The following VPS13B variants were observed in gnomAD, a reference collection of about 807,000 sequenced individuals.
VPS13B encodes the protein vacuolar protein sorting 13 homolog B.
Under a neutral mutation model 426.4 loss-of-function variants are expected in VPS13B, and 285 were observed. The ratio of observed to expected loss-of-function variants is 0.67; its 90% CI spans 0.61 to 0.74. VPS13B has a LOEUF of 0.74. Ranked by LOEUF, VPS13B falls within the 30% of genes least tolerant of loss-of-function variation. The pLI, the probability that VPS13B is intolerant of heterozygous loss-of-function variation, is 0.00. For missense variants in VPS13B, 4,537 were observed against 4,782.6 expected (o/e 0.95, Z 1.51); for synonymous variants, 1,676 against 1,676.4 (o/e 1.00, Z 0.01).
intron 21 of VPS13B, among the ~76,000 whole-genome samples, chr8:99,415,158 A>T (rs1815925129): frequency 6.6e-6 from 1 of 151,302 alleles, no homozygotes; most frequent in South Asian, 2.1e-4. Flanking sequence ...CATTAAGTTG[A>T]TCTTCAATCT....
intron 36 of VPS13B, among the ~76,000 whole-genome samples, chr8:99,705,413 G>A (rs1318441247): frequency 6.6e-6 from 1 of 152,088 alleles, no homozygotes; most frequent in Non-Finnish European, 1.5e-5. Flanking sequence ...ATGAAATGGA[G>A]AAGACATCTC....
chr8:99,477,042 C>A (rs1398100513), intron 24 of VPS13B, among the ~76,000 whole-genome samples: 1 of 152,112 alleles, frequency 6.6e-6, no homozygotes, highest in Non-Finnish European at 1.5e-5. Context: ...CTATTAAATT[C>A]ATTTTTCTTA....
chr8:99,048,281 T>A (rs890564462), intron 3 of VPS13B, among the ~76,000 whole-genome samples: 1 of 152,188 alleles, frequency 6.6e-6, no homozygotes, highest in African/African-American at 2.4e-5. Flanking sequence ...ATGGACTATC[T>A]TGGAGAAAGT....
chr8:99,870,300 C>T (rs1817329543), intron 59 of VPS13B, among the ~76,000 whole-genome samples: 1 of 152,070 alleles, frequency 6.6e-6, no homozygotes, highest in Non-Finnish European at 1.5e-5. Context: ...TCTGGAGTAG[C>T]TAGGACTACA....
At chr8:99,801,339 TAGAA>T (rs1395301439) in intron 43 of VPS13B, among the ~76,000 whole-genome samples, 4 of 152,208 alleles carry the variant, frequency 2.6e-5, no homozygotes, top group Non-Finnish European at 5.9e-5. Context: ...AAGTTGATAA[TAGAA>T]AGTTAATTTT....
intron 33 of VPS13B, among the ~76,000 whole-genome samples, chr8:99,639,072 T>C (rs1359267253): frequency 2.6e-5 from 4 of 152,190 alleles, no homozygotes; most frequent in African/African-American, 9.6e-5. Flanking sequence ...CATTCAGTCA[T>C]TGCAGTAACT....
At chr8:99,272,325 A>G (rs950228320) in intron 17 of VPS13B, among the ~76,000 whole-genome samples, 3 of 152,158 alleles carry the variant, frequency 2.0e-5, no homozygotes, top group Non-Finnish European at 2.9e-5. Context: ...AACACCCTAG[A>G]TCTTTCACAT....
At chr8:99,423,307 A>T (rs1816483584) in intron 21 of VPS13B, among the ~76,000 whole-genome samples, 1 of 151,932 alleles carries the variant, frequency 6.6e-6, no homozygotes, top group African/African-American at 2.4e-5. Context: ...CCCAGGCTGG[A>T]ATGCAGTGGG....
intron 30 of VPS13B, among the ~76,000 whole-genome samples, chr8:99,536,087 T>G (rs2133708092): frequency 6.6e-6 from 1 of 152,020 alleles, no homozygotes; most frequent in African/African-American, 2.4e-5. Flanking sequence ...GTAGCTGGGA[T>G]TACAGGCGCA....
intron 23 of VPS13B, 34 bp downstream of exon 23, chr8:99,442,669 T>C: frequency 6.3e-7 from 1 of 1,583,154 alleles, no homozygotes; most frequent in Non-Finnish European, 8.7e-7. Flanking sequence ...ATGGTTAATG[T>C]TTTATATGGA....
At chr8:99,828,465 ATCTC>A (rs2130845565) in intron 51 of VPS13B, among the ~76,000 whole-genome samples, 1 of 103,308 alleles carries the variant, frequency 9.7e-6, no homozygotes, top group South Asian at 3.1e-4. Flanking sequence ...ATATTCCTCC[ATCTC>A]TTTATTTTAA....
At chr8:99,859,515 CTCCT>C in intron 57 of VPS13B, 35 bp downstream of exon 57, 2 of 1,596,366 alleles carry the variant, frequency 1.3e-6, no homozygotes, top group South Asian at 1.1e-5. Flanking sequence ...AATGCCTTCA[CTCCT>C]TCCCTTTTTT....
chr8:99,463,849 T>G (rs146498262), intron 23 of VPS13B, among the ~76,000 whole-genome samples: 1 of 152,050 alleles, frequency 6.6e-6, no homozygotes, highest in African/African-American at 2.4e-5. Flanking sequence ...TGCACCACCA[T>G]GTCTGGCTAA....
chr8:99,853,588 C>CG lies in VPS13B; in HGVS notation c.10202dup (p.Ala3402SerfsTer15). 3 of 1,614,134 alleles carry CG rather than the reference C, an allele frequency of 1.9e-6. No individual in the cohort carries two copies. The highest frequency in any genetic ancestry group is 2.5e-6 in the Non-Finnish European group (3 of 1,180,022). On this transcript the variant is annotated frameshift_variant, in exon 56 of 62. Coordinates refer to ENST00000357162, the MANE Select transcript of VPS13B (RefSeq NM_152564.5). LOFTEE classifies it high-confidence loss of function. The stretch of plus-strand genomic sequence containing the variant: ...GACAACATTTTTCTCTGTGTGGCCC[C>CG]GGGAGCTGGTCCCCTCCCTGGGGAA...
At chr8:99,507,031 AG>A in intron 27 of VPS13B, 105 bp from the exon 28 acceptor site, 1 of 1,170,104 alleles carries the variant, frequency 8.5e-7, no homozygotes, top group East Asian at 2.4e-5. Context: ...GTTTTAGTTC[AG>A]TGCAGTGTTG....
chr8:99,122,968 C>T (rs1471979412), intron 8 of VPS13B, among the ~76,000 whole-genome samples: 8 of 151,234 alleles, frequency 5.3e-5, no homozygotes, highest in African/African-American at 1.9e-4. Context: ...AAAAAATTAC[C>T]CAATTAGCTG....
At position 99,523,295 on chromosome 8, in the gene VPS13B, C is replaced by T. The variant is rs115608108; in HGVS notation, c.4745+2285C>T. On this transcript the variant is annotated intron_variant, in intron 30 of 61. Coordinates refer to ENST00000357162, the MANE Select transcript of VPS13B (RefSeq NM_152564.5). ...CATTTGGGAGCCGGGGAACTCACCA[C>T]TCTGAAGGGAAGGACACAAGCCTGG... 7.6e-3 allele frequency among the ~76,000 whole-genome samples: 1,157 copies of T among 152,322 alleles called. 14 individuals are homozygous for T. The highest frequency in any genetic ancestry group is 0.026 in the African/African-American group (1,069 of 41,578).
intron 27 of VPS13B, among the ~76,000 whole-genome samples, chr8:99,505,080 G>T (rs943414025): frequency 6.6e-5 from 10 of 152,178 alleles, no homozygotes; most frequent in African/African-American, 2.2e-4. Context: ...CTTAACTTCT[G>T]CAGCTTTCTT....
chr8:99,341,056 A>C, intron 19 of VPS13B: 4 of 269,770 alleles, frequency 1.5e-5, no homozygotes, highest in Non-Finnish European at 3.0e-5. Context: ...ATTATAACTG[A>C]TGCGGTAGTG....
Sources: gnomAD v4.1 joint callset for allele counts (sites outside exome capture counted in the v4.1 genomes callset) on GRCh38, gnomAD v4.1.1 for gene constraint, MANE v1.5 for transcripts, NCBI Gene and HGNC (gene_info 2026-07-23, HGNC 2026-07-21) for gene names.